The following OPCML variants were observed in gnomAD, a reference collection of about 807,000 sequenced individuals.
OPCML encodes the protein opioid binding protein/cell adhesion molecule like.
In OPCML, 13 loss-of-function variants were observed where a neutral mutation model predicts 37.8. The ratio of observed to expected loss-of-function variants is 0.34; its 90% CI spans 0.22 to 0.55. OPCML has a LOEUF of 0.55. Among genes scored for constraint, OPCML ranks in the 20% least tolerant of loss-of-function variants. The probability of loss-of-function intolerance (pLI) is 0.91; values close to 1 mark genes in which losing one functional copy is unlikely to be tolerated. For synonymous variants in OPCML, 176 were observed against 168.8 expected (o/e 1.04, Z -0.33); for missense variants, 341 against 435.6 (o/e 0.78, Z 1.93).
chr11:133,314,244 A>AAC, intron 1 of OPCML, among the ~76,000 whole-genome samples: 1 of 150,290 alleles, frequency 6.7e-6, no homozygotes, highest in Admixed American at 6.6e-5. Context: ...AAAAAAAAAA[A>AAC]AAAAAAAAAA....
chr11:133,206,975 A>T lies in OPCML; in HGVS notation c.62-263965T>A, dbSNP rs996939534. ...CTGAAATGCACTCACGTGATCTCTC[A>T]GAGGAACGCCATAGAAAATCTCCTT... is the stretch of plus-strand genomic sequence containing the variant. On this transcript the variant is annotated intron_variant, in intron 1 of 7. Coordinates refer to ENST00000524381, the MANE Select transcript of OPCML (RefSeq NM_001012393.5). This position sits in a 1 kb window ranked among gnomAD's most constrained non-coding sequence, Gnocchi z 4.7. Among the ~76,000 whole-genome samples, 1 of 152,118 alleles carries T rather than the reference A, an allele frequency of 6.6e-6. No homozygotes were observed. Among genetic ancestry groups the T allele is most frequent in the Non-Finnish European group, 1.5e-5 (1 of 68,022 alleles).
intron 1 of OPCML, among the ~76,000 whole-genome samples, chr11:133,440,814 GTATA>G (rs71477798): frequency 1.4e-5 from 2 of 138,288 alleles, no homozygotes; most frequent in Non-Finnish European, 1.5e-5. Flanking sequence ...GTGTGTATGT[GTATA>G]TATATATATA....
intron 1 of OPCML, among the ~76,000 whole-genome samples, chr11:132,977,793 C>T (rs949621888): frequency 3.3e-5 from 5 of 151,704 alleles, no homozygotes; most frequent in African/African-American, 7.3e-5. Context: ...ATTAAAATGG[C>T]TCTACACTGC....
At chr11:132,678,276 C>T (rs976695837) in intron 2 of OPCML, among the ~76,000 whole-genome samples, 1 of 152,218 alleles carries the variant, frequency 6.6e-6, no homozygotes, top group African/African-American at 2.4e-5. Context: ...GCAACAGGAA[C>T]TCTCCTTCAT....
chr11:133,395,816 T>A (rs949198081), intron 1 of OPCML, among the ~76,000 whole-genome samples: 4 of 152,214 alleles, frequency 2.6e-5, no homozygotes, highest in African/African-American at 9.6e-5. Context: ...GTTAGGTGTG[T>A]GATCCCTCCA....
intron 2 of OPCML, among the ~76,000 whole-genome samples, chr11:132,909,169 AG>A (rs1267222952): frequency 4.6e-5 from 7 of 152,196 alleles, no homozygotes; most frequent in Non-Finnish European, 8.8e-5. Context: ...AGTCTCCTGC[AG>A]GGCTGTCTAT....
rs1002110166 is a variant in OPCML at position 132,909,099 on chromosome 11, C to T, written c.146+33827G>A. On this transcript the variant is annotated intron_variant, in intron 2 of 7. Coordinates refer to ENST00000524381, the MANE Select transcript of OPCML (RefSeq NM_001012393.5). ...ACCACCCACACGGCAGAGCTGAAAG[C>T]GAGGAGCAGCTTCAGCTGCAGCCCT... Among the ~76,000 whole-genome samples, 6 of 152,208 alleles carry T rather than the reference C, an allele frequency of 3.9e-5. No individual in the cohort carries two copies. The South Asian group carries it at 8.3e-4, about 21-fold the overall frequency.
At chr11:133,218,115 A>G (rs566646436) in intron 1 of OPCML, among the ~76,000 whole-genome samples, 1 of 151,768 alleles carries the variant, frequency 6.6e-6, no homozygotes, top group Non-Finnish European at 1.5e-5. Context: ...GTTTTGTGTA[A>G]CTAGGGTGGG....
intron 2 of OPCML, among the ~76,000 whole-genome samples, chr11:132,848,817 T>C (rs1413363486): frequency 2.0e-5 from 3 of 152,234 alleles, no homozygotes; most frequent in Admixed American, 2.0e-4. Context: ...TCATTTCCTA[T>C]AGAATGGTAA....
chr11:133,176,693 T>C (rs960403384), intron 1 of OPCML, among the ~76,000 whole-genome samples: 2 of 152,200 alleles, frequency 1.3e-5, no homozygotes, highest in African/African-American at 4.8e-5. Flanking sequence ...CACCAGAAGC[T>C]GATGCCAGCA....
intron 1 of OPCML, among the ~76,000 whole-genome samples, chr11:133,310,177 T>A (rs1943033385): frequency 6.6e-6 from 1 of 152,156 alleles, no homozygotes; most frequent in Admixed American, 6.5e-5. Flanking sequence ...TTCACAAACT[T>A]TTGTGGAAAA....
chr11:132,514,277 CA>C (rs1015945721), intron 4 of OPCML, among the ~76,000 whole-genome samples: 4 of 152,108 alleles, frequency 2.6e-5, no homozygotes, highest in African/African-American at 9.6e-5. Flanking sequence ...TCAAAGCATG[CA>C]AAAAATCAGA....
Position 133,515,843 on chromosome 11 carries a change from G to GAA in OPCML, c.61+16419_61+16420dup, listed in dbSNP as rs538181282. Among the ~76,000 whole-genome samples, 411 of 134,484 alleles carry GAA rather than the reference G, an allele frequency of 3.1e-3. 3 individuals are homozygous for GAA. The highest frequency in any genetic ancestry group is 0.01 in the African/African-American group (380 of 37,556). 88.2% of individuals were successfully genotyped at this position (134,484 alleles called of 152,430 possible). A position where few individuals can be genotyped will look rare whatever the true frequency, so the allele number is the denominator to read the frequency against. On this transcript the variant is annotated intron_variant, in intron 1 of 7. Transcript: ENST00000524381. ...GGCTCCTGGATTCTGCCAAGAAGAG[G>GAA]AAAAAAAAAAAAAAAGTTTCTACTG... is the stretch of plus-strand genomic sequence containing the variant.
chr11:133,044,428 C>T (rs1397057055), intron 1 of OPCML, among the ~76,000 whole-genome samples: 1 of 151,956 alleles, frequency 6.6e-6, no homozygotes, highest in East Asian at 1.9e-4. Context: ...AGGAGAGAGG[C>T]TAAATTGTGA....
In OPCML at chr11:132,510,453, C is replaced by T. The variant is rs150225879; in HGVS notation, c.505+18608G>A. On this transcript the variant is annotated intron_variant, in intron 4 of 7. Transcript: ENST00000524381. ...GCAGAGTAATATTATTTGGCTTTGT[C>T]CCCACCCAAATCTCATCTTGAATTG... is the stretch of plus-strand genomic sequence containing the variant. Among the ~76,000 whole-genome samples the T allele has an allele frequency of 7.8e-4, 119 of 152,168 alleles. 2 individuals are homozygous for T. In the East Asian group the frequency reaches 0.02, roughly 25 times the overall value.
intron 2 of OPCML, among the ~76,000 whole-genome samples, chr11:132,804,696 G>A (rs995882784): frequency 3.3e-5 from 5 of 152,144 alleles, no homozygotes; most frequent in African/African-American, 1.2e-4. Flanking sequence ...AGCCTCAAAC[G>A]AAGCCCTGAC....
chr11:133,438,843 C>A (rs555474363), intron 1 of OPCML, among the ~76,000 whole-genome samples: 3 of 152,252 alleles, frequency 2.0e-5, no homozygotes, highest in Non-Finnish European at 4.4e-5. Context: ...TGTAATGAAA[C>A]CTTCATGAAA....
At chr11:133,064,076 C>G (rs1406145749) in intron 1 of OPCML, among the ~76,000 whole-genome samples, 1 of 152,164 alleles carries the variant, frequency 6.6e-6, no homozygotes, top group African/African-American at 2.4e-5. Flanking sequence ...TTCCTCAAGC[C>G]CCTTGTATTG....
chr11:133,078,693 GGCAGCTCCCTGA>G (rs1948660810), intron 1 of OPCML, among the ~76,000 whole-genome samples: 1 of 152,040 alleles, frequency 6.6e-6, no homozygotes, highest in Admixed American at 6.6e-5. Context: ...ATGCACCACG[GGCAGCTCCCTGA>G]GCGCCACAAT....
Sources: gnomAD v4.1 joint callset for allele counts (sites outside exome capture counted in the v4.1 genomes callset) on GRCh38, gnomAD v4.1.1 for gene constraint, Gnocchi (gnomAD v3.1) non-coding constraint, MANE v1.5 for transcripts, NCBI Gene and HGNC (gene_info 2026-07-23, HGNC 2026-07-21) for gene names.